The following INPP4B variants were observed in gnomAD, a reference collection of about 807,000 sequenced individuals.
The protein encoded by INPP4B is inositol polyphosphate 4-phosphatase type II.
In INPP4B, 55 loss-of-function variants were observed where a neutral mutation model predicts 122.5. That is an observed-to-expected ratio of 0.45 (90% CI 0.36 to 0.56). The LOEUF is 0.56. Among genes scored for constraint, INPP4B ranks in the 20% least tolerant of loss-of-function variants. The pLI is 0.00. For missense variants in INPP4B, 1,000 were observed against 1,097.7 expected (o/e 0.91, Z 1.26); for synonymous variants, 403 against 388.7 (o/e 1.04, Z -0.43).
intron 5 of INPP4B, among the ~76,000 whole-genome samples, chr4:142,415,076 C>T (rs1805394381): frequency 6.6e-6 from 1 of 152,132 alleles, no homozygotes; most frequent in Admixed American, 6.6e-5. Flanking sequence ...CCTTTTACCA[C>T]CCTTTCTCCA....
chr4:142,368,273 T>C (rs1579864620), intron 7 of INPP4B, among the ~76,000 whole-genome samples: 1 of 152,142 alleles, frequency 6.6e-6, no homozygotes, highest in East Asian at 1.9e-4. Context: ...TCTGTATCTA[T>C]AGTTCCAAAC....
chr4:142,250,243 G>C (rs1308232413), intron 11 of INPP4B, among the ~76,000 whole-genome samples: 2 of 152,136 alleles, frequency 1.3e-5, no homozygotes, highest in Admixed American at 1.3e-4. Context: ...GCATGAAAAG[G>C]GTGAGGCCTT....
chr4:142,147,456 G>A (rs372811174), intron 17 of INPP4B, among the ~76,000 whole-genome samples: 1 of 152,108 alleles, frequency 6.6e-6, no homozygotes, highest in African/African-American at 2.4e-5. Context: ...AGTTAGCACA[G>A]GTAATTTTGG....
intron 25 of INPP4B, among the ~76,000 whole-genome samples, chr4:142,053,482 T>C (rs1311808379): frequency 1.3e-5 from 2 of 152,108 alleles, no homozygotes; most frequent in Non-Finnish European, 2.9e-5. Flanking sequence ...ATATTGGTAC[T>C]AGTATCATTG....
chr4:142,472,360 T>C (rs1341021256), intron 2 of INPP4B, among the ~76,000 whole-genome samples: 2 of 151,598 alleles, frequency 1.3e-5, no homozygotes, highest in Non-Finnish European at 2.9e-5. Context: ...CAATTACCCA[T>C]CTGCTATTTC....
rs562854347 is a variant in INPP4B, at chr4:142,023,200, C to G, written c.*5582G>C. 4 of 152,136 alleles carry G rather than the reference C, an allele frequency of 2.6e-5. No homozygotes were observed. Among genetic ancestry groups the G allele is most frequent in the African/African-American group, 9.6e-5 (4 of 41,528 alleles). 9.4% of individuals were successfully genotyped at this position (152,136 alleles called of 1,614,324 possible). On this transcript the variant is annotated 3_prime_UTR_variant, in exon 26 of 26. Coordinates refer to ENST00000262992, the MANE Select transcript of INPP4B (RefSeq NM_001101669.3). ...ATTTATTTAAACAAAAATATACACA[C>G]AGTGTACAATGAATATGGTTTACAC...
At chr4:142,692,762 G>A (rs1253584119) in intron 2 of INPP4B, among the ~76,000 whole-genome samples, 2 of 152,094 alleles carry the variant, frequency 1.3e-5, no homozygotes, top group Non-Finnish European at 2.9e-5. Flanking sequence ...TCCTGGCCAG[G>A]GAACAAGTCC....
rs564394940 is a variant in INPP4B at position 142,193,623 on chromosome 4, T to C, written c.1073-428A>G. 1.4e-4 allele frequency among the ~76,000 whole-genome samples: 22 copies of C among 152,268 alleles called. 2 individuals carry two copies. The South Asian group carries it at 4.6e-3, about 32-fold the overall frequency. On this transcript the variant is annotated intron_variant, in intron 14 of 25. Transcript: ENST00000262992. ...TACATAGAAAAAAAACCCAAAATAT[T>C]AAGCATTTTGACTCAAGGGCAGATT... is the stretch of plus-strand genomic sequence containing the variant.
At chr4:142,718,225 T>C (rs1334464032) in intron 2 of INPP4B, among the ~76,000 whole-genome samples, 2 of 152,222 alleles carry the variant, frequency 1.3e-5, no homozygotes, top group Non-Finnish European at 2.9e-5. Flanking sequence ...CCCCATTCTC[T>C]CTGTTTTAAC....
In INPP4B at chr4:142,028,908, T is replaced by G. The variant is rs763424691; in HGVS notation, c.2649A>C (p.Gly883=). ...IRALDCMRRE[G]CRIENVLKNI... ...TCTTCAGTACATTCTCTATGCGGCA[T>G]CCTTCTCTGGTGAAAGGGGAAAAAG... Residue 883 remains glycine (G), a synonymous_variant, in exon 26 of 26, where the codon GGA becomes GGC. Transcript: ENST00000262992. 1.4e-5 allele frequency: 22 copies of G among 1,610,246 alleles called. No homozygotes were observed. The highest frequency in any genetic ancestry group is 1.9e-5 in the Non-Finnish European group (22 of 1,178,742).
intron 2 of INPP4B, among the ~76,000 whole-genome samples, chr4:142,619,804 A>G (rs917900960): frequency 1.3e-5 from 2 of 152,024 alleles, no homozygotes; most frequent in African/African-American, 4.8e-5. Flanking sequence ...AGAAATGAAT[A>G]TGAGATTAGA....
chr4:142,438,804 G>A (rs748146135), intron 3 of INPP4B, among the ~76,000 whole-genome samples: 1 of 151,900 alleles, frequency 6.6e-6, no homozygotes, highest in African/African-American at 2.4e-5. Context: ...TCTACCCGTC[G>A]GACAAAGGCC....
intron 9 of INPP4B, among the ~76,000 whole-genome samples, chr4:142,304,025 G>A (rs1232227575): frequency 6.6e-6 from 1 of 152,034 alleles, no homozygotes; most frequent in African/African-American, 2.4e-5. Context: ...GTTAATGACT[G>A]TTATGTTATA....
intron 2 of INPP4B, among the ~76,000 whole-genome samples, chr4:142,489,171 CTT>C (rs1553942679): frequency 6.6e-6 from 1 of 152,042 alleles, no homozygotes; most frequent in East Asian, 1.9e-4. Flanking sequence ...TTTAAGATGT[CTT>C]TTAATTTTTC....
chr4:142,089,273 T>C (rs1778287969), intron 23 of INPP4B, among the ~76,000 whole-genome samples: 1 of 152,198 alleles, frequency 6.6e-6, no homozygotes, highest in Admixed American at 6.5e-5. Flanking sequence ...CTTGTACAAA[T>C]GGCTTTCAAA....
At chr4:142,190,750 G>A (rs570975827) in intron 15 of INPP4B, among the ~76,000 whole-genome samples, 1,881 of 151,324 alleles carry the variant, frequency 0.012, 140 homozygotes, top group Admixed American at 0.11. Flanking sequence ...GTGTGTGCGC[G>A]TGTGTGTTGA....
At chr4:142,041,141 A>G (rs890823707) in intron 25 of INPP4B, among the ~76,000 whole-genome samples, 7 of 152,168 alleles carry the variant, frequency 4.6e-5, no homozygotes, top group Admixed American at 1.3e-4. Context: ...TCAATAATAA[A>G]AAAATTAGGA....
chr4:142,418,124 C>T (rs920475927), intron 5 of INPP4B, among the ~76,000 whole-genome samples: 4 of 152,068 alleles, frequency 2.6e-5, no homozygotes, highest in Non-Finnish European at 5.9e-5. Context: ...GCTGATTCTT[C>T]TTGTCAATTT....
chr4:142,394,319 G>C (rs1223129093), intron 7 of INPP4B, among the ~76,000 whole-genome samples: 13 of 151,974 alleles, frequency 8.6e-5, no homozygotes, highest in Non-Finnish European at 1.6e-4. Flanking sequence ...CTGATTTTTT[G>C]GATTTTTAGT....
Sources: gnomAD v4.1 joint callset for allele counts (sites outside exome capture counted in the v4.1 genomes callset) on GRCh38, gnomAD v4.1.1 for gene constraint, MANE v1.5 for transcripts, NCBI Gene and HGNC (gene_info 2026-07-23, HGNC 2026-07-21) for gene names.